XXYLT1: variants seen among roughly 807,000 people sequenced by gnomAD.
XXYLT1 encodes UDP-xylose:alpha-xyloside alpha-1,3-xylosyltransferase.
Under a neutral mutation model 28.9 loss-of-function variants are expected in XXYLT1, and 20 were observed. That is an observed-to-expected ratio of 0.69 (90% CI 0.49 to 1.00). XXYLT1 has a LOEUF of 1.00. Ranked by LOEUF, XXYLT1 falls within the 50% of genes least tolerant of loss-of-function variation. The pLI is 0.00. For synonymous variants in XXYLT1, 257 were observed against 253.8 expected (o/e 1.01, Z -0.12); for missense variants, 542 against 560.1 (o/e 0.97, Z 0.33).
At chr3:195,246,625 G>T (rs572854228) in intron 1 of XXYLT1, among the ~76,000 whole-genome samples, 2 of 152,180 alleles carry the variant, frequency 1.3e-5, no homozygotes, top group African/African-American at 4.8e-5. Context: ...GGTGAGCCCC[G>T]GACACTCCTC....
chr3:195,247,802 A>T, intron 1 of XXYLT1: 1 of 702,726 alleles, frequency 1.4e-6, no homozygotes. Context: ...GCCTCAGGAA[A>T]CACACAATCA....
chr3:195,167,408 T>C (rs1166210351), intron 2 of XXYLT1, among the ~76,000 whole-genome samples: 3 of 152,128 alleles, frequency 2.0e-5, no homozygotes, highest in Non-Finnish European at 4.4e-5. Flanking sequence ...CTGGCCAGCA[T>C]GGTGAAACCC....
At chr3:195,139,052 G>A in intron 3 of XXYLT1, among the ~76,000 whole-genome samples, 1 of 150,548 alleles carries the variant, frequency 6.6e-6, no homozygotes, top group South Asian at 2.1e-4. Context: ...CTGGTGAGAG[G>A]AGAGGTGGGT....
At chr3:195,136,326 C>A (rs780095460) in intron 3 of XXYLT1, among the ~76,000 whole-genome samples, 2 of 152,082 alleles carry the variant, frequency 1.3e-5, no homozygotes, top group African/African-American at 2.4e-5. Flanking sequence ...CAACCCACCC[C>A]GGCCCAAAAA....
intron 3 of XXYLT1, among the ~76,000 whole-genome samples, chr3:195,109,949 C>CGTGCATGTGTGTGTGTTGT (rs1717424529): frequency 5.0e-5 from 1 of 19,866 alleles, no homozygotes; most frequent in African/African-American, 1.6e-4. Context: ...TATGAGTGTG[C>CGTGCATGTGTGTGTGTTGT]GTGCATGTGT....
chr3:195,071,988 C>T (rs1411663425), intron 3 of XXYLT1, among the ~76,000 whole-genome samples: 9 of 151,766 alleles, frequency 5.9e-5, no homozygotes, highest in African/African-American at 1.9e-4. Context: ...TCATGCTCCA[C>T]GGAGCCCACG....
chr3:195,122,265 A>G (rs892633196), intron 3 of XXYLT1: 7 of 676,614 alleles, frequency 1.0e-5, no homozygotes, highest in Non-Finnish European at 1.9e-5. Flanking sequence ...TCAACACATG[A>G]ATTTTGGGGG....
At chr3:195,073,539 G>A (rs981325536) in intron 3 of XXYLT1, among the ~76,000 whole-genome samples, 6 of 152,010 alleles carry the variant, frequency 3.9e-5, no homozygotes, top group Non-Finnish European at 5.9e-5. Flanking sequence ...TTGTCTAACC[G>A]TCCGGCCTGT....
At position 195,124,712 on chromosome 3, in the gene XXYLT1, C is replaced by G. The variant is rs1357177894; in HGVS notation, c.785+31737G>C. ...CTTTGAACCCCGTGGGAGTGTGGAC[C>G]CCACATCAACCTCCAGTATCACAAG... is the stretch of plus-strand genomic sequence containing the variant. On this transcript the variant is annotated intron_variant, in intron 3 of 3. Transcript: ENST00000310380. The surrounding 1 kb of genome is among the most constrained non-coding windows in gnomAD (Gnocchi z 4.1). 6.6e-6 allele frequency among the ~76,000 whole-genome samples: 1 copy of G among 152,118 alleles called. No homozygotes were observed. The highest frequency in any genetic ancestry group is 1.5e-5 in the Non-Finnish European group (1 of 68,036).
chr3:195,089,629 A>G (rs2108659384), intron 3 of XXYLT1, among the ~76,000 whole-genome samples: 1 of 152,298 alleles, frequency 6.6e-6, no homozygotes, highest in African/African-American at 2.4e-5. Context: ...TAACGAGCAC[A>G]ATAACCAGCT....
At chr3:195,230,894 T>C (rs1258349373) in intron 1 of XXYLT1, among the ~76,000 whole-genome samples, 2 of 152,142 alleles carry the variant, frequency 1.3e-5, no homozygotes, top group Non-Finnish European at 2.9e-5. Context: ...AATTTTAGGA[T>C]TTTTTTCCTA....
At chr3:195,222,505 G>A in intron 2 of XXYLT1, among the ~76,000 whole-genome samples, 1 of 152,270 alleles carries the variant, frequency 6.6e-6, no homozygotes, top group Non-Finnish European at 1.5e-5. Flanking sequence ...CCTTATAAGG[G>A]TCACCTCTGG....
intron 3 of XXYLT1, among the ~76,000 whole-genome samples, chr3:195,075,167 G>A (rs1188920601): frequency 6.6e-6 from 1 of 152,202 alleles, no homozygotes; most frequent in African/African-American, 2.4e-5. Context: ...CAGGAGAATC[G>A]TTTGAACCCG....
chr3:195,243,583 G>A (rs910008214), intron 1 of XXYLT1, among the ~76,000 whole-genome samples: 1 of 152,126 alleles, frequency 6.6e-6, no homozygotes, highest in Non-Finnish European at 1.5e-5. Context: ...AGTGATAGAC[G>A]GGTAGAGCCA....
chr3:195,253,807 T>C (rs895620428), intron 1 of XXYLT1, among the ~76,000 whole-genome samples: 2 of 152,178 alleles, frequency 1.3e-5, no homozygotes, highest in Non-Finnish European at 2.9e-5. Context: ...CCTGTTCACA[T>C]TTCTGATCAA....
At chr3:195,119,027 C>T (rs763635280) in intron 3 of XXYLT1, among the ~76,000 whole-genome samples, 5 of 151,908 alleles carry the variant, frequency 3.3e-5, no homozygotes, top group Admixed American at 6.6e-5. Flanking sequence ...CCTGTAATCC[C>T]GGCACTCTGG....
rs1448655217 is a variant in XXYLT1, at chr3:195,210,366, C to A, written c.652+16343G>T. Reference sequence around the variant, plus strand: ...GAAGGTGAGCTCCCCAAGGGCAGGACTGCTGTCGTGCCCCAGTGCCCTGAA... The same window carrying A: ...GAAGGTGAGCTCCCCAAGGGCAGGAATGCTGTCGTGCCCCAGTGCCCTGAA... On this transcript the variant is annotated intron_variant, in intron 2 of 3. Coordinates refer to ENST00000310380, the MANE Select transcript of XXYLT1 (RefSeq NM_152531.5). The surrounding 1 kb of genome is among the most constrained non-coding windows in gnomAD (Gnocchi z 4.8). 6.6e-6 allele frequency among the ~76,000 whole-genome samples: 1 copy of A among 152,198 alleles called. No homozygotes were observed. The highest frequency in any genetic ancestry group is 1.5e-5 in the Non-Finnish European group (1 of 68,036).
chr3:195,269,570 G>A (rs754001472), intron 1 of XXYLT1, among the ~76,000 whole-genome samples: 2 of 152,172 alleles, frequency 1.3e-5, no homozygotes, highest in Non-Finnish European at 2.9e-5. Context: ...CCAATAAACT[G>A]GGACTTCACC....
chr3:195,262,818 A>T (rs1217397209), intron 1 of XXYLT1, among the ~76,000 whole-genome samples: 1 of 152,262 alleles, frequency 6.6e-6, no homozygotes, highest in African/African-American at 2.4e-5. Flanking sequence ...TACACAAACT[A>T]CTACAGCTGT....
Sources: allele counts gnomAD v4.1 joint callset (sites outside exome capture counted in the v4.1 genomes callset), GRCh38; gene constraint gnomAD v4.1.1; non-coding constraint Gnocchi (gnomAD v3.1); transcripts MANE v1.5; gene names NCBI Gene and HGNC (gene_info 2026-07-23, HGNC 2026-07-21).